MELK: variants seen among roughly 807,000 people sequenced by gnomAD.
MELK encodes maternal embryonic leucine zipper kinase.
Under a neutral mutation model 85.0 loss-of-function variants are expected in MELK, and 81 were observed. That is an observed-to-expected ratio of 0.95 (90% confidence interval 0.80 to 1.15). MELK has a LOEUF of 1.15. Ranked by LOEUF, MELK falls within the 50% of genes most tolerant of loss-of-function variation. MELK has a pLI of 0.00. For synonymous variants in MELK, 252 were observed against 265.0 expected, an observed-to-expected ratio of 0.95 and a Z score of 0.48; for missense variants, 754 against 777.5, an observed-to-expected ratio of 0.97 and a Z score of 0.36.
intron 16 of MELK, 65 bp from the exon 17 acceptor site, chr9:36,674,769 C>A: frequency 1.1e-6 from 1 of 908,984 alleles, no homozygotes; most frequent in Non-Finnish European, 1.7e-6. Context: ...AACTCTTGAT[C>A]TGGTGTGATG....
At chr9:36,601,520 C>T (rs1824921107) in intron 7 of MELK, among the ~76,000 whole-genome samples, 1 of 152,190 alleles carries the variant, frequency 6.6e-6, no homozygotes, top group Non-Finnish European at 1.5e-5. Flanking sequence ...GTTTTCTGAA[C>T]GTTTATCATA....
intron 5 of MELK, among the ~76,000 whole-genome samples, chr9:36,596,356 C>T (rs1367301993): frequency 3.3e-5 from 5 of 150,968 alleles, no homozygotes; most frequent in South Asian, 2.1e-4. Context: ...CCCGTGTTCA[C>T]GCCATTCTCC....
intron 9 of MELK, 64 bp from the exon 10 acceptor site, chr9:36,633,038 G>A: frequency 4.3e-6 from 5 of 1,157,450 alleles, no homozygotes; most frequent in Non-Finnish European, 3.8e-6. Flanking sequence ...GTTTTCAGGA[G>A]GAAAGGTGTT....
chr9:36,583,891 G>T (rs1199852703), intron 3 of MELK, among the ~76,000 whole-genome samples, 179 bp downstream of exon 3: 3 of 152,204 alleles, frequency 2.0e-5, no homozygotes, highest in Admixed American at 1.3e-4. Flanking sequence ...TTGTTCTTCA[G>T]ATTTTAACGC....
chr9:36,577,808 C>T (rs957551135), intron 1 of MELK, among the ~76,000 whole-genome samples: 30 of 151,856 alleles, frequency 2.0e-4, no homozygotes, highest in African/African-American at 6.5e-4. Flanking sequence ...TGGGCCACCA[C>T]GCCTGGCTAA....
At chr9:36,631,466 A>G (rs1274076309) in intron 9 of MELK, among the ~76,000 whole-genome samples, 1 of 151,864 alleles carries the variant, frequency 6.6e-6, no homozygotes, top group Non-Finnish European at 1.5e-5. Context: ...GGGTTTCACC[A>G]TGTTGTCCAG....
At chr9:36,611,804 C>T (rs1017714085) in intron 8 of MELK, among the ~76,000 whole-genome samples, 4 of 148,016 alleles carry the variant, frequency 2.7e-5, no homozygotes, top group African/African-American at 5.2e-5. Flanking sequence ...GATGGCGTCT[C>T]GTGCTGTTGC....
intron 3 of MELK, 28 bp downstream of exon 3, chr9:36,583,740 T>A: frequency 6.7e-7 from 1 of 1,490,244 alleles, no homozygotes. Context: ...TAAAAAATAG[T>A]CCACTTATAG....
At chr9:36,644,285 A>G (rs964574483) in intron 11 of MELK, among the ~76,000 whole-genome samples, 4 of 151,142 alleles carry the variant, frequency 2.6e-5, no homozygotes, top group African/African-American at 9.8e-5. Context: ...AGCTGTCTCT[A>G]ATGTGAAGGG....
At chr9:36,617,330 T>C (rs1826932769) in intron 8 of MELK, among the ~76,000 whole-genome samples, 2 of 152,078 alleles carry the variant, frequency 1.3e-5, no homozygotes, top group South Asian at 2.1e-4. Flanking sequence ...CTTTTTCTTT[T>C]TTTCTTTCTT....
chr9:36,636,014 C>A (rs1015370195), intron 10 of MELK, among the ~76,000 whole-genome samples: 10 of 151,804 alleles, frequency 6.6e-5, no homozygotes, highest in South Asian at 2.1e-4. Flanking sequence ...CCAGGCTGGT[C>A]TTGAACTCCT....
chr9:36,623,965 C>T (rs1424744889), intron 8 of MELK, among the ~76,000 whole-genome samples: 1 of 152,010 alleles, frequency 6.6e-6, no homozygotes, highest in Non-Finnish European at 1.5e-5. Flanking sequence ...CAGCAGCAGT[C>T]GAAGCTAACA....
chr9:36,604,522 A>C (rs56121802), intron 7 of MELK, among the ~76,000 whole-genome samples: 14,734 of 151,286 alleles, frequency 0.097, 746 homozygotes, highest in Middle Eastern at 0.15. Flanking sequence ...ATTGAGTGGG[A>C]GTGGAAGGAC....
chr9:36,652,138 C>T (rs921814944), intron 12 of MELK, among the ~76,000 whole-genome samples: 1 of 149,338 alleles, frequency 6.7e-6, no homozygotes, highest in African/African-American at 2.5e-5. Context: ...CCTCTGCCTC[C>T]GGGATTCAAG....
chr9:36,670,055 G>T (rs1832751728), intron 15 of MELK, among the ~76,000 whole-genome samples: 1 of 152,138 alleles, frequency 6.6e-6, no homozygotes, highest in Admixed American at 6.5e-5. Flanking sequence ...TTCTCCCACA[G>T]TCTGGAAGTG....
At chr9:36,638,014 G>GCC (rs2136759516) in intron 10 of MELK, among the ~76,000 whole-genome samples, 1 of 152,296 alleles carries the variant, frequency 6.6e-6, no homozygotes, top group Non-Finnish European at 1.5e-5. Context: ...GCTGTGATGT[G>GCC]CCCCTTGTGA....
intron 17 of MELK, among the ~76,000 whole-genome samples, chr9:36,675,502 C>T (rs930277364): frequency 2.0e-5 from 3 of 152,126 alleles, no homozygotes; most frequent in Non-Finnish European, 4.4e-5. Flanking sequence ...CTTGTAGATC[C>T]TCTATTTTCC....
intron 6 of MELK, 125 bp from the exon 7 acceptor site, chr9:36,599,269 C>G (rs183177201): frequency 1.7e-6 from 1 of 590,518 alleles, no homozygotes; most frequent in Admixed American, 3.4e-5. Flanking sequence ...CCATTGCACT[C>G]CAGCCTGGGT....
chr9:36,667,546 A>G (rs1832499774), intron 14 of MELK, among the ~76,000 whole-genome samples: 1 of 152,178 alleles, frequency 6.6e-6, no homozygotes, highest in Admixed American at 6.5e-5. Flanking sequence ...AAGGTTTTGC[A>G]ATATGGGTAG....
Sources: allele counts gnomAD v4.1 joint callset (sites outside exome capture counted in the v4.1 genomes callset), GRCh38; gene constraint gnomAD v4.1.1; transcripts MANE v1.5; gene names NCBI Gene and HGNC (gene_info 2026-07-23, HGNC 2026-07-21).